IQANK1: variants seen among roughly 807,000 people sequenced by gnomAD.
IQANK1 encodes the protein IQ motif and ankyrin repeat domain-containing protein 1.
IQANK1 carries 30 observed loss-of-function variants against 22.6 expected under a neutral mutation model. That is an observed-to-expected ratio of 1.33 (90% CI 0.99 to 1.80). The LOEUF (loss-of-function observed/expected upper bound fraction) is 1.80, where lower values mean the gene tolerates loss of function less well. IQANK1 is among the 40% of genes most tolerant of loss of function. The probability of loss-of-function intolerance (pLI) is 0.00; values close to 1 mark genes in which losing one functional copy is unlikely to be tolerated. For synonymous variants in IQANK1, 122 were observed against 99.6 expected (o/e 1.23, Z -1.34); for missense variants, 275 against 235.2 (o/e 1.17, Z -1.11).
chr8:143,779,740 G>T (rs1424085528), intron 7 of IQANK1, among the ~76,000 whole-genome samples: 3 of 152,180 alleles, frequency 2.0e-5, no homozygotes, highest in Admixed American at 2.0e-4. Flanking sequence ...CATATATTCA[G>T]AAATGGGACT....
intron 3 of IQANK1, among the ~76,000 whole-genome samples, chr8:143,768,656 G>T (rs904509154): frequency 6.6e-6 from 1 of 151,988 alleles, no homozygotes; most frequent in Admixed American, 6.6e-5. Context: ...TCCTTTATTT[G>T]TATCACTGTG....
chr8:143,747,001 T>C (rs1554627274), intron 3 of IQANK1, among the ~76,000 whole-genome samples: 1 of 152,164 alleles, frequency 6.6e-6, no homozygotes, highest in Non-Finnish European at 1.5e-5. Flanking sequence ...TGCCTCAGCC[T>C]CCCAAGTAGC....
intron 7 of IQANK1, among the ~76,000 whole-genome samples, chr8:143,788,388 G>A (rs1200576894): frequency 4.6e-5 from 7 of 152,220 alleles, no homozygotes; most frequent in Non-Finnish European, 7.3e-5. Flanking sequence ...CTTTGAGCCC[G>A]GCTCTCTGCA....
chr8:143,742,864 C>G (rs1818951738), intron 3 of IQANK1: 2 of 456,154 alleles, frequency 4.4e-6, no homozygotes, highest in African/African-American at 4.0e-5. Context: ...TGTCACGGTG[C>G]TAAGGGGCCT....
At chr8:143,776,003 A>G (rs1819674521) in intron 7 of IQANK1, among the ~76,000 whole-genome samples, 3 of 151,746 alleles carry the variant, frequency 2.0e-5, no homozygotes, top group Non-Finnish European at 2.9e-5. Context: ...AAAATTGAGG[A>G]GGGCCGGGCG....
chr8:143,748,530 A>C (rs2129816824), intron 3 of IQANK1, among the ~76,000 whole-genome samples: 2 of 137,474 alleles, frequency 1.5e-5, no homozygotes, highest in East Asian at 4.1e-4. Flanking sequence ...TAGATGATAT[A>C]TATGATATAT....
intron 3 of IQANK1, among the ~76,000 whole-genome samples, chr8:143,761,643 T>C (rs1457576848): frequency 6.6e-6 from 1 of 152,090 alleles, no homozygotes; most frequent in African/African-American, 2.4e-5. Context: ...CTGCCTGTAG[T>C]GCCAGCTACT....
At chr8:143,751,664 G>GTGTGTGTATATATATATATATATATATA (rs370428606) in intron 3 of IQANK1, among the ~76,000 whole-genome samples, 9 of 61,542 alleles carry the variant, frequency 1.5e-4, no homozygotes, top group Admixed American at 5.3e-4. Flanking sequence ...GTGTGTGTGT[G>GTGTGTGTATATATATATATATATATATA]TATATATATA....
At position 143,771,580 on chromosome 8, in the gene IQANK1, C is replaced by T; in HGVS notation, c.268C>T (p.Arg90Trp). Reference sequence around the variant, plus strand: ...GCTCGCCCGCCGCCGGGAGGAGCGCCGGGAGTACCTGGAGCAGATGGAGAC... The same window carrying T: ...GCTCGCCCGCCGCCGGGAGGAGCGCTGGGAGTACCTGGAGCAGATGGAGAC... ...RELARRREER[R>W]EYLEQMETPQ... The change falls in exon 4 of 14, where the codon CGG becomes TGG. Residue 90 changes from arginine to tryptophan, a missense_variant. Transcript: ENST00000527139. This position sits in a 1 kb window ranked among gnomAD's most constrained non-coding sequence, Gnocchi z 6.0. 1 of 398,196 alleles carries T rather than the reference C, an allele frequency of 2.5e-6. No individual in the cohort carries two copies. Among genetic ancestry groups the T allele is most frequent in the Non-Finnish European group, 4.4e-6 (1 of 225,858 alleles). The allele number at this position is 398,196 out of a possible 1,614,324, so 24.7% of individuals were successfully genotyped here.
intron 7 of IQANK1, among the ~76,000 whole-genome samples, chr8:143,784,255 C>T (rs566441033): frequency 8.5e-5 from 13 of 152,092 alleles, no homozygotes; most frequent in East Asian, 3.9e-4. Flanking sequence ...GATTGGATCA[C>T]GGGGGCTGAT....
chr8:143,782,717 C>G (rs988016030), intron 7 of IQANK1, among the ~76,000 whole-genome samples: 1 of 152,198 alleles, frequency 6.6e-6, no homozygotes, highest in East Asian at 1.9e-4. Context: ...CCTCAGGCAT[C>G]TGCCCACCTC....
At chr8:143,743,320 C>T (rs1818962019) in intron 3 of IQANK1, among the ~76,000 whole-genome samples, 1 of 152,170 alleles carries the variant, frequency 6.6e-6, no homozygotes, top group African/African-American at 2.4e-5. Context: ...TCACTGCAAC[C>T]TCCAACTGCT....
In IQANK1 at chr8:143,771,808, T is replaced by C; in HGVS notation, c.314T>C (p.Leu105Pro). The C allele has an allele frequency of 2.5e-6, 1 of 395,954 alleles. No homozygotes were observed. Among genetic ancestry groups the C allele is most frequent in the Non-Finnish European group, 4.5e-6 (1 of 224,550 alleles). 24.5% of individuals were successfully genotyped at this position (395,954 alleles called of 1,614,324 possible). A position where few individuals can be genotyped will look rare whatever the true frequency, so the allele number is the denominator to read the frequency against. The stretch of plus-strand genomic sequence containing the variant: ...TCGGCGGGCGCCTCCCAGGCCTACC[T>C]GGCTCCGGTGCGCCGGGAGCAGGAG... ...QMETPQKEAY[L>P]APVRREQEAA... Residue 105 changes from leucine to proline, a missense_variant, in exon 5 of 14, where the codon CTG becomes CCG. By Grantham distance (98) the Leu-to-Pro change is moderately conservative. Coordinates refer to ENST00000527139, the MANE Select transcript of IQANK1 (RefSeq NM_001381874.1). This position sits in a 1 kb window ranked among gnomAD's most constrained non-coding sequence, Gnocchi z 6.0.
At chr8:143,786,803 G>A (rs782814435) in intron 7 of IQANK1, among the ~76,000 whole-genome samples, 81 of 152,312 alleles carry the variant, frequency 5.3e-4, no homozygotes, top group Admixed American at 1.6e-3. Flanking sequence ...GAACTTGGAG[G>A]GGAGGGAATG....
intron 7 of IQANK1, among the ~76,000 whole-genome samples, chr8:143,780,752 GTCTTT>G (rs1554630859): frequency 1.3e-5 from 2 of 152,190 alleles, no homozygotes; most frequent in African/African-American, 4.8e-5. Context: ...TTGAGTCCAT[GTCTTT>G]GCTATTGTGA....
rs574688286 is a variant in IQANK1, at chr8:143,750,792, T to C, written c.175+10844T>C. 7.9e-4 allele frequency among the ~76,000 whole-genome samples: 120 copies of C among 152,220 alleles called. 1 individual carries two copies. Among genetic ancestry groups the C allele is most frequent in the African/African-American group, 2.8e-3 (116 of 41,522 alleles). Reference sequence around the variant, plus strand: ...TTGCACCACTGCACTCCAGCTTCGGTGACAGAGCAAGAACCCACCTCTAAA... The same window carrying C: ...TTGCACCACTGCACTCCAGCTTCGGCGACAGAGCAAGAACCCACCTCTAAA... On this transcript the variant is annotated intron_variant, in intron 3 of 13. Coordinates refer to ENST00000527139, the MANE Select transcript of IQANK1 (RefSeq NM_001381874.1).
intron 7 of IQANK1, among the ~76,000 whole-genome samples, chr8:143,781,656 T>G (rs189121253): frequency 7.2e-5 from 11 of 152,278 alleles, no homozygotes; most frequent in African/African-American, 2.4e-4. Context: ...GTTTCTGGGC[T>G]CTCTATTCTG....
intron 3 of IQANK1, chr8:143,744,176 C>T (rs755990189): frequency 7.6e-5 from 13 of 170,614 alleles, no homozygotes; most frequent in Admixed American, 1.2e-4. Context: ...TGGATCTCCC[C>T]GGGTAATCTG....
At position 143,790,351 on chromosome 8, in the gene IQANK1, T is replaced by C. The variant is rs1554632150; in HGVS notation, c.1426T>C (p.Tyr476His). The C allele has an allele frequency of 1.7e-6, 2 of 1,174,018 alleles. No homozygotes were observed. The highest frequency in any genetic ancestry group is 1.6e-5 in the African/African-American group (1 of 62,962). 72.7% of individuals were successfully genotyped at this position (1,174,018 alleles called of 1,614,324 possible). Reference sequence around the variant, plus strand: ...GGCCTCACCAGCCTCATGGGGCAGGTATGGGAAGCCGCTGGTGTTCGACCT... The same window carrying C: ...GGCCTCACCAGCCTCATGGGGCAGGCATGGGAAGCCGCTGGTGTTCGACCT... ...MWLALLGALR[Y>H]GKPLVFDLRE... Residue 476 changes from tyrosine to histidine, a missense_variant and splice_region_variant, in exon 14 of 14, where the codon TAT becomes CAT. Tyr to His is a moderately conservative substitution (Grantham distance 83, BLOSUM62 2). Transcript: ENST00000527139.
Sources: gnomAD v4.1 joint callset for allele counts (sites outside exome capture counted in the v4.1 genomes callset) on GRCh38, gnomAD v4.1.1 for gene constraint, Gnocchi (gnomAD v3.1) non-coding constraint, MANE v1.5 for transcripts, NCBI Gene and HGNC (gene_info 2026-07-23, HGNC 2026-07-21) for gene names.